The following RBFOX1 variants were observed in gnomAD, a reference collection of about 807,000 sequenced individuals.
RBFOX1 encodes RNA binding protein fox-1 homolog 1.
A neutral mutation model predicts 57.7 loss-of-function variants in RBFOX1; 8 were observed. The ratio of observed to expected loss-of-function variants is 0.14; its 90% CI spans 0.08 to 0.25. The LOEUF (loss-of-function observed/expected upper bound fraction) is 0.25. Ranked by LOEUF, RBFOX1 falls within the 10% of genes least tolerant of loss-of-function variation. The pLI is 1.00. For synonymous variants in RBFOX1, 326 were observed against 222.4 expected (o/e 1.47, Z -4.15); for missense variants, 611 against 548.5 (o/e 1.11, Z -1.14).
Position 7,094,785 on chromosome 16 carries a change from T to G in RBFOX1, c.27+42687T>G, listed in dbSNP as rs1231027288. On this transcript the variant is annotated intron_variant, in intron 4 of 15. Transcript: ENST00000550418. ...GTGTGTGTGTGTGTGTGGGTGTGTG[T>G]GTGTGTTGAGAGAGAGAGAGATTGA... is the stretch of plus-strand genomic sequence containing the variant. 3.6e-5 allele frequency among the ~76,000 whole-genome samples: 5 copies of G among 137,856 alleles called. No homozygotes were observed. In the South Asian group the frequency reaches 9.6e-4, roughly 26 times the overall value. The allele number at this position is 137,856 out of a possible 152,430, so 90.4% of individuals were successfully genotyped here.
intron 4 of RBFOX1, among the ~76,000 whole-genome samples, chr16:7,340,809 G>C (rs1603624781): frequency 6.6e-6 from 1 of 152,174 alleles, no homozygotes; most frequent in Non-Finnish European, 1.5e-5. Context: ...TAAATTAAGA[G>C]ATTAAAGGGA....
intron 1 of RBFOX1, among the ~76,000 whole-genome samples, chr16:5,267,482 G>C (rs35138879): frequency 6.6e-6 from 1 of 151,944 alleles, no homozygotes; most frequent in Non-Finnish European, 1.5e-5. Flanking sequence ...ATTTTTAGTA[G>C]AGGCGGGGTT....
At chr16:6,402,601 T>G (rs2093119608) in intron 2 of RBFOX1, among the ~76,000 whole-genome samples, 1 of 152,194 alleles carries the variant, frequency 6.6e-6, no homozygotes, top group Admixed American at 6.5e-5. Flanking sequence ...ACATTTACAC[T>G]GGGTTGCTGT....
chr16:5,383,347 A>T (rs2066176127), intron 1 of RBFOX1, among the ~76,000 whole-genome samples: 1 of 152,188 alleles, frequency 6.6e-6, no homozygotes, highest in Non-Finnish European at 1.5e-5. Context: ...AGCCGCTCAG[A>T]CCTGAGTTGG....
chr16:7,045,514 T>G (rs1484508585), intron 3 of RBFOX1, among the ~76,000 whole-genome samples: 1 of 152,250 alleles, frequency 6.6e-6, no homozygotes, highest in Non-Finnish European at 1.5e-5. Flanking sequence ...TATGATAATG[T>G]GGTGCCACTT....
intron 1 of RBFOX1, among the ~76,000 whole-genome samples, chr16:6,280,968 T>C (rs2076316882): frequency 6.7e-6 from 1 of 149,556 alleles, no homozygotes; most frequent in African/African-American, 2.5e-5. Flanking sequence ...TGTGTGTGTG[T>C]ATGTGTGTGT....
chr16:7,432,376 G>A (rs1244229811), intron 4 of RBFOX1, among the ~76,000 whole-genome samples: 1 of 152,146 alleles, frequency 6.6e-6, no homozygotes, highest in African/African-American at 2.4e-5. Flanking sequence ...GAAAAATTTA[G>A]GATCCCAATC....
At chr16:7,635,463 C>A (rs1251308751) in intron 11 of RBFOX1, among the ~76,000 whole-genome samples, 2 of 152,030 alleles carry the variant, frequency 1.3e-5, no homozygotes, top group Non-Finnish European at 2.9e-5. Flanking sequence ...GGAATAATAT[C>A]CCCACTTTAT....
intron 3 of RBFOX1, among the ~76,000 whole-genome samples, chr16:5,675,205 T>G (rs2050128555): frequency 6.6e-6 from 1 of 151,724 alleles, no homozygotes; most frequent in Admixed American, 6.6e-5. Flanking sequence ...CACATGCACA[T>G]GCATGTACTC....
chr16:6,755,851 C>T (rs1277677025), intron 3 of RBFOX1, among the ~76,000 whole-genome samples: 2 of 152,060 alleles, frequency 1.3e-5, no homozygotes, highest in Non-Finnish European at 2.9e-5. Context: ...TTCAGAGCTG[C>T]CAAAAGGTGA....
chr16:6,550,148 A>T (rs907942445), intron 2 of RBFOX1, among the ~76,000 whole-genome samples: 14 of 151,302 alleles, frequency 9.3e-5, no homozygotes, highest in Middle Eastern at 3.4e-3. Flanking sequence ...CCCTCTCTCT[A>T]TCTCTCACTG....
chr16:6,025,784 A>G (rs2095180175), intron 1 of RBFOX1, among the ~76,000 whole-genome samples: 1 of 152,130 alleles, frequency 6.6e-6, no homozygotes, highest in Non-Finnish European at 1.5e-5. Flanking sequence ...CTGCCCTTAG[A>G]AGGTTGAGGT....
intron 3 of RBFOX1, among the ~76,000 whole-genome samples, chr16:5,793,812 G>T (rs1192511027): frequency 2.0e-5 from 3 of 152,182 alleles, no homozygotes; most frequent in African/African-American, 7.2e-5. Context: ...TGCATTGCAT[G>T]CGTGCATGTG....
intron 3 of RBFOX1, among the ~76,000 whole-genome samples, chr16:5,611,707 CATCCATCCATCT>C (rs1473467037): frequency 6.9e-6 from 1 of 144,472 alleles, no homozygotes; most frequent in Non-Finnish European, 1.5e-5. Flanking sequence ...CCCACTCTCC[CATCCATCCATCT>C]ATCCATCCAT....
chr16:6,493,715 C>A (rs943525269), intron 2 of RBFOX1, among the ~76,000 whole-genome samples: 1 of 152,168 alleles, frequency 6.6e-6, no homozygotes, highest in Non-Finnish European at 1.5e-5. Flanking sequence ...TTGGGAGATT[C>A]AGCTGGCCTG....
At chr16:6,351,067 A>G (rs2086269627) in intron 2 of RBFOX1, among the ~76,000 whole-genome samples, 1 of 152,150 alleles carries the variant, frequency 6.6e-6, no homozygotes. Context: ...CCTTTCAACC[A>G]CAGCAATGTG....
chr16:7,595,691 T>A, intron 8 of RBFOX1, 50 bp downstream of exon 8: 1 of 1,465,790 alleles, frequency 6.8e-7, no homozygotes, highest in Non-Finnish European at 9.2e-7. Flanking sequence ...AATGTCTGCT[T>A]CACGCTCATT....
At chr16:7,597,213 A>G in intron 8 of RBFOX1, 158 bp from the exon 9 acceptor site, 2 of 510,270 alleles carry the variant, frequency 3.9e-6, no homozygotes, top group South Asian at 3.3e-5. Flanking sequence ...TTAAAAATGT[A>G]TGATTTTGTT....
At chr16:6,882,157 T>A (rs2063076534) in intron 3 of RBFOX1, among the ~76,000 whole-genome samples, 1 of 152,122 alleles carries the variant, frequency 6.6e-6, no homozygotes, top group Non-Finnish European at 1.5e-5. Context: ...AGATGCCTCA[T>A]TAATTCTGTC....
Sources: allele counts gnomAD v4.1 joint callset (sites outside exome capture counted in the v4.1 genomes callset), GRCh38; gene constraint gnomAD v4.1.1; transcripts MANE v1.5; gene names NCBI Gene and HGNC (gene_info 2026-07-23, HGNC 2026-07-21).